RBFOX1: variants seen among roughly 807,000 people sequenced by gnomAD.
RBFOX1 encodes RNA binding fox-1 homolog 1.
RBFOX1 carries 8 observed loss-of-function variants against 57.7 expected under a neutral mutation model. That is an observed-to-expected ratio of 0.14 (90% confidence interval 0.08 to 0.25). The LOEUF (loss-of-function observed/expected upper bound fraction) is 0.25, where lower values mean the gene tolerates loss of function less well. RBFOX1 is among the 10% of genes least tolerant of loss of function. The pLI is 1.00. For synonymous variants in RBFOX1, 326 were observed against 222.4 expected, an observed-to-expected ratio of 1.47 and a Z score of -4.15; for missense variants, 611 against 548.5, an observed-to-expected ratio of 1.11 and a Z score of -1.14.
intron 4 of RBFOX1, among the ~76,000 whole-genome samples, chr16:7,516,122 G>T (rs1169093375): frequency 6.6e-6 from 1 of 152,162 alleles, no homozygotes; most frequent in African/African-American, 2.4e-5. Context: ...TGGAATTACA[G>T]GCATGAGGCA....
intron 4 of RBFOX1, among the ~76,000 whole-genome samples, chr16:7,393,522 G>C (rs2098082747): frequency 1.3e-5 from 2 of 152,148 alleles, no homozygotes; most frequent in African/African-American, 4.8e-5. Context: ...TGCCATGCCT[G>C]AGATGGGTGC....
intron 3 of RBFOX1, among the ~76,000 whole-genome samples, chr16:5,865,204 C>G (rs1348919810): frequency 6.6e-6 from 1 of 152,198 alleles, no homozygotes; most frequent in East Asian, 1.9e-4. Context: ...TCATATTTCC[C>G]TGACATATTC....
intron 4 of RBFOX1, among the ~76,000 whole-genome samples, chr16:5,923,605 G>A (rs578028033): frequency 2.7e-5 from 4 of 147,000 alleles, no homozygotes; most frequent in Non-Finnish European, 4.4e-5. Flanking sequence ...GCAGTGGTGC[G>A]ATCTTGGCTG....
intron 3 of RBFOX1, among the ~76,000 whole-genome samples, chr16:6,908,009 G>C (rs1439123412): frequency 2.0e-5 from 3 of 151,634 alleles, no homozygotes; most frequent in African/African-American, 7.3e-5. Context: ...CTTTTAGTGA[G>C]GACATGGTCA....
chr16:5,628,765 A>G (rs1288155840), intron 3 of RBFOX1, among the ~76,000 whole-genome samples: 1 of 152,206 alleles, frequency 6.6e-6, no homozygotes, highest in Non-Finnish European at 1.5e-5. Flanking sequence ...AGGATTTTAT[A>G]TCCCCAAGAA....
intron 1 of RBFOX1, among the ~76,000 whole-genome samples, chr16:6,263,165 G>A (rs921685213): frequency 6.6e-6 from 1 of 152,170 alleles, no homozygotes; most frequent in Non-Finnish European, 1.5e-5. Context: ...GCCTTATATA[G>A]AGAAGATGTC....
chr16:6,144,110 T>A (rs1226013046), intron 1 of RBFOX1, among the ~76,000 whole-genome samples: 1 of 151,964 alleles, frequency 6.6e-6, no homozygotes, highest in Non-Finnish European at 1.5e-5. Context: ...CACCTACCAT[T>A]TTTGGTTTGT....
At chr16:6,806,687 T>G (rs76035436) in intron 3 of RBFOX1, among the ~76,000 whole-genome samples, 4,854 of 150,954 alleles carry the variant, frequency 0.032, 261 homozygotes, top group African/African-American at 0.11. Flanking sequence ...ATATTGATAT[T>G]AATGAGGTGA....
chr16:7,649,663 A>G (rs2064533949), intron 11 of RBFOX1, among the ~76,000 whole-genome samples: 1 of 152,106 alleles, frequency 6.6e-6, no homozygotes, highest in African/African-American at 2.4e-5. Context: ...AGGAAGACAA[A>G]CATTGGTTAA....
At chr16:6,071,515 C>G (rs750632428) in intron 1 of RBFOX1, among the ~76,000 whole-genome samples, 3 of 141,042 alleles carry the variant, frequency 2.1e-5, no homozygotes, top group Non-Finnish European at 4.7e-5. Flanking sequence ...ATGTGTAGTC[C>G]TGAACTTAAA....
At chr16:6,857,852 G>C (rs563431717) in intron 3 of RBFOX1, among the ~76,000 whole-genome samples, 12 of 152,304 alleles carry the variant, frequency 7.9e-5, no homozygotes, top group Non-Finnish European at 1.3e-4. Context: ...AGCTCTTCAT[G>C]CTCAGTTACC....
chr16:5,447,809 C>T (rs1237979935), intron 1 of RBFOX1, among the ~76,000 whole-genome samples: 1 of 152,236 alleles, frequency 6.6e-6, no homozygotes, highest in African/African-American at 2.4e-5. Context: ...CACTGCTCAG[C>T]CTCTTCTGTG....
In RBFOX1 at chr16:6,723,917, T is replaced by C. The variant is rs370901178; in HGVS notation, c.-16+69267T>C. 4.6e-5 allele frequency: 7 copies of C among 152,270 alleles called. No individual in the cohort carries two copies. The East Asian group carries it at 7.7e-4, about 17-fold the overall frequency. The allele number at this position is 152,270 out of a possible 1,614,324, so 9.4% of individuals were successfully genotyped here. A position where few individuals can be genotyped will look rare whatever the true frequency, so the allele number is the denominator to read the frequency against. On this transcript the variant is annotated intron_variant, in intron 3 of 15. Transcript: ENST00000550418. ...AGAGCACTCACCCAGTCATGATCCA[T>C]CAGGAAAATAGGAAGTTGGAAGTGG...
chr16:6,503,071 A>T (rs2095984810), intron 2 of RBFOX1, among the ~76,000 whole-genome samples: 1 of 152,210 alleles, frequency 6.6e-6, no homozygotes, highest in Admixed American at 6.5e-5. Flanking sequence ...AGACATATGG[A>T]TGCATGGATA....
Position 6,450,754 on chromosome 16 carries a change from CATATATATATGTGTATATATATAT to C in RBFOX1, c.-64+133708_-64+133731del, listed in dbSNP as rs2094573107. On this transcript the variant is annotated intron_variant, in intron 2 of 15. Transcript: ENST00000550418. ...GGGGAATAAATTTTATATATATATA[CATATATATATGTGTATATATATAT>C]ATATATATATACATATATATATGTA... is the stretch of plus-strand genomic sequence containing the variant. Among the ~76,000 whole-genome samples, 4 of 58,654 alleles carry C rather than the reference CATATATATATGTGTATATATATAT, an allele frequency of 6.8e-5. 1 individual carries two copies. Among genetic ancestry groups the C allele is most frequent in the South Asian group, 5.2e-4 (1 of 1,916 alleles). The allele number at this position is 58,654 out of a possible 152,430, so 38.5% of individuals were successfully genotyped here.
At chr16:7,013,712 C>T (rs1318104630) in intron 3 of RBFOX1, among the ~76,000 whole-genome samples, 1 of 151,108 alleles carries the variant, frequency 6.6e-6, no homozygotes, top group Non-Finnish European at 1.5e-5. Flanking sequence ...GGCTGGAGTG[C>T]ACTGGCACAA....
intron 2 of RBFOX1, among the ~76,000 whole-genome samples, chr16:6,580,278 G>T (rs1027059598): frequency 1.3e-5 from 2 of 152,210 alleles, no homozygotes; most frequent in South Asian, 2.1e-4. Flanking sequence ...TCTTTTAAGG[G>T]TTTATGTTGT....
In RBFOX1 at chr16:7,330,816, C is replaced by G. The variant is rs575744856; in HGVS notation, c.28-187331C>G. Among the ~76,000 whole-genome samples the G allele has an allele frequency of 2.4e-3, 368 of 152,192 alleles. 2 individuals carry two copies. The highest frequency in any genetic ancestry group is 3.2e-3 in the Non-Finnish European group (218 of 68,022). The stretch of plus-strand genomic sequence containing the variant: ...CAGGCCTTACCTAAGTAAGTAAGAG[C>G]TCTCCCCTCCTGTTGATTGCTAAAG... On this transcript the variant is annotated intron_variant, in intron 4 of 15. Coordinates refer to ENST00000550418, the MANE Select transcript of RBFOX1 (RefSeq NM_018723.4).
At chr16:6,699,030 A>T (rs1292661503) in intron 3 of RBFOX1, among the ~76,000 whole-genome samples, 7 of 152,220 alleles carry the variant, frequency 4.6e-5, no homozygotes, top group Non-Finnish European at 8.8e-5. Context: ...TAGGTACTAA[A>T]AATGGGTGTT....
Sources: gnomAD v4.1 joint callset for allele counts (sites outside exome capture counted in the v4.1 genomes callset) on GRCh38, gnomAD v4.1.1 for gene constraint, MANE v1.5 for transcripts, NCBI Gene and HGNC (gene_info 2026-07-23, HGNC 2026-07-21) for gene names.